Variants in HIP1 observed in about 807,000 individuals in gnomAD.
HIP1 encodes huntingtin interacting protein 1.
In HIP1, 65 loss-of-function variants were observed where a neutral mutation model predicts 147.6. The ratio of observed to expected loss-of-function variants is 0.44; its 90% CI spans 0.36 to 0.54. The LOEUF (loss-of-function observed/expected upper bound fraction) is 0.54. Among genes scored for constraint, HIP1 ranks in the 20% least tolerant of loss-of-function variants. The pLI, the probability that HIP1 is intolerant of heterozygous loss-of-function variation, is 0.00. For missense variants in HIP1, 1,061 were observed against 1,299.6 expected (o/e 0.82, Z 2.82); for synonymous variants, 479 against 504.0 (o/e 0.95, Z 0.67).
chr7:75,594,457 G>A (rs587599766), intron 2 of HIP1, among the ~76,000 whole-genome samples: 1 of 152,136 alleles, frequency 6.6e-6, no homozygotes, highest in South Asian at 2.1e-4. Context: ...ACCCTCTGCA[G>A]ATAGTTGTCA....
chr7:75,554,219 G>A lies in HIP1; in HGVS notation c.2052C>T (p.Asp684=). 1.2e-6 allele frequency: 2 copies of A among 1,612,378 alleles called. No individual in the cohort carries two copies. The highest frequency in any genetic ancestry group is 2.2e-5 in the East Asian group (1 of 44,872). The change falls in exon 21 of 31, where the codon GAC becomes GAT. Residue 684 remains aspartate (D), a splice_region_variant and synonymous_variant. Transcript: ENST00000336926. ...SWSQYLACPE[D]ISGLLHSITL... is the part of the protein sequence containing the mutation. ...TTATGGAATGGAGAAGTCCACTGAT[G>A]TCTGCCAGGATTGGAAAGAGAAGTT...
chr7:75,640,761 T>G (rs202009380), intron 1 of HIP1, among the ~76,000 whole-genome samples: 1 of 97,136 alleles, frequency 1.0e-5, no homozygotes, highest in Non-Finnish European at 2.0e-5. Context: ...TCAATAATAA[T>G]AATAATAATA....
intron 1 of HIP1, among the ~76,000 whole-genome samples, chr7:75,664,167 C>CAT (rs1799452048): frequency 2.0e-5 from 1 of 50,308 alleles, no homozygotes; most frequent in Admixed American, 1.5e-4. Flanking sequence ...TGTATATTTA[C>CAT]ATACATATAT....
chr7:75,605,975 G>A (rs1461820736), intron 1 of HIP1, among the ~76,000 whole-genome samples: 1 of 152,070 alleles, frequency 6.6e-6, no homozygotes, highest in Non-Finnish European at 1.5e-5. Flanking sequence ...TCAGCTTCCT[G>A]AGTAGCTGGG....
intron 29 of HIP1, 40 bp downstream of exon 29, chr7:75,541,879 G>A (rs376607958): frequency 7.0e-7 from 1 of 1,428,706 alleles, no homozygotes; most frequent in Non-Finnish European, 9.9e-7. Context: ...TCCATGTCTA[G>A]GCAATAGAGG....
intron 22 of HIP1, among the ~76,000 whole-genome samples, chr7:75,550,038 T>A (rs898076989): frequency 2.6e-5 from 4 of 152,088 alleles, no homozygotes. Context: ...ACAGTGATCA[T>A]ATGAGGCGGG....
In HIP1 at chr7:75,640,764, T is replaced by A. The variant is rs902700494; in HGVS notation, c.121-41517A>T. 1.7e-3 allele frequency among the ~76,000 whole-genome samples: 169 copies of A among 98,502 alleles called. 1 individual carries two copies. Among genetic ancestry groups the A allele is most frequent in the African/African-American group, 8.5e-3 (156 of 18,450 alleles). The allele number at this position is 98,502 out of a possible 152,430, so 64.6% of individuals were successfully genotyped here. On this transcript the variant is annotated intron_variant, in intron 1 of 30. Transcript: ENST00000336926. ...GGAGACTCCATCTCAATAATAATAATAATAATAATAATAATAATAATAAAT... is the reference window on the plus strand; with the variant it reads ...GGAGACTCCATCTCAATAATAATAAAAATAATAATAATAATAATAATAAAT...
intron 1 of HIP1, among the ~76,000 whole-genome samples, chr7:75,735,657 G>A (rs1451802747): frequency 2.0e-5 from 3 of 146,694 alleles, no homozygotes; most frequent in Non-Finnish European, 3.0e-5. Flanking sequence ...GTTGGGTTTA[G>A]GGCTGTTCTC....
intron 1 of HIP1, among the ~76,000 whole-genome samples, chr7:75,664,703 C>T (rs186242504): frequency 6.6e-4 from 101 of 152,116 alleles, no homozygotes; most frequent in African/African-American, 2.3e-3. Context: ...TCACTGCAAC[C>T]TCTGCCTCCC....
chr7:75,638,000 A>ACC (rs1798498932), intron 1 of HIP1, among the ~76,000 whole-genome samples: 2 of 39,520 alleles, frequency 5.1e-5, no homozygotes, highest in Non-Finnish European at 8.8e-5. Context: ...CCCCACACAC[A>ACC]CACATACACA....
chr7:75,616,584 G>GGGAGGGTGGGGA (rs1797670659), intron 1 of HIP1, among the ~76,000 whole-genome samples: 10 of 146,066 alleles, frequency 6.8e-5, no homozygotes, highest in African/African-American at 2.5e-4. Context: ...TTTAAGGGTG[G>GGGAGGGTGGGGA]GGAGGAGGAG....
chr7:75,610,697 C>T (rs1009447473), intron 1 of HIP1, among the ~76,000 whole-genome samples: 3 of 151,622 alleles, frequency 2.0e-5, no homozygotes, highest in South Asian at 2.1e-4. Context: ...CCAGCACTCT[C>T]GCCTCTAAAG....
intron 20 of HIP1, 67 bp downstream of exon 20, chr7:75,554,373 A>C: frequency 7.1e-7 from 1 of 1,405,034 alleles, no homozygotes; most frequent in Non-Finnish European, 1.0e-6. Context: ...CTATCCCCGC[A>C]TTCAGGTGCT....
intron 1 of HIP1, among the ~76,000 whole-genome samples, chr7:75,696,279 T>C (rs1012443184): frequency 6.6e-6 from 1 of 152,150 alleles, no homozygotes. Flanking sequence ...TGAGCCACCA[T>C]GCCTGGCCTA....
intron 5 of HIP1, 77 bp from the exon 6 acceptor site, chr7:75,582,228 G>A (rs41281105): frequency 0.01 from 12,112 of 1,158,492 alleles, 98 homozygotes; most frequent in Non-Finnish European, 0.013. Flanking sequence ...GGTGGCACAC[G>A]CCTGTGGTCC....
intron 8 of HIP1, among the ~76,000 whole-genome samples, chr7:75,570,060 A>G (rs1308379811): frequency 6.6e-6 from 1 of 151,650 alleles, no homozygotes; most frequent in Non-Finnish European, 1.5e-5. Flanking sequence ...TCAGCTCCCA[A>G]GCAGCTGGGA....
chr7:75,543,073 C>G (rs1794398102), intron 27 of HIP1, 99 bp from the exon 28 acceptor site: 5 of 1,276,712 alleles, frequency 3.9e-6, no homozygotes, highest in African/African-American at 1.5e-5. Context: ...ATATGTGGGC[C>G]AAACGGCAAT....
chr7:75,732,844 G>A lies in HIP1; in HGVS notation c.120+5957C>T, dbSNP rs111754993. ...ACAAGTCCTGATTCAGTAGTTCTGG[G>A]TGGTGCCCAACATCCTAATGGCCCT... On this transcript the variant is annotated intron_variant, in intron 1 of 30. Coordinates refer to ENST00000336926, the MANE Select transcript of HIP1 (RefSeq NM_005338.7). Among the ~76,000 whole-genome samples the A allele has an allele frequency of 9.6e-3, 1,463 of 152,244 alleles. 33 individuals carry two copies. Among genetic ancestry groups the A allele is most frequent in the African/African-American group, 0.033 (1,376 of 41,546 alleles).
intron 1 of HIP1, among the ~76,000 whole-genome samples, chr7:75,694,916 G>GTGAAATTT (rs11282953): frequency 0.7 from 106,073 of 151,216 alleles, 37,896 homozygotes; most frequent in African/African-American, 0.84. Context: ...CTGCATTCTG[G>GTGAAATTT]TGAGTTCTTT....
Sources: allele counts gnomAD v4.1 joint callset (sites outside exome capture counted in the v4.1 genomes callset), GRCh38; gene constraint gnomAD v4.1.1; transcripts MANE v1.5; gene names NCBI Gene and HGNC (gene_info 2026-07-23, HGNC 2026-07-21).